Variants in PCSK5 observed in about 807,000 individuals in gnomAD.
The protein encoded by PCSK5 is proprotein convertase subtilisin/kexin type 5.
PCSK5 carries 129 observed loss-of-function variants against 233.2 expected under a neutral mutation model. The observed-to-expected ratio is 0.55, with a 90% CI of 0.48 to 0.64. The LOEUF is 0.64. Ranked by LOEUF, PCSK5 falls within the 30% of genes least tolerant of loss-of-function variation. PCSK5 has a pLI of 0.00. For synonymous variants in PCSK5, 825 were observed against 879.2 expected, an observed-to-expected ratio of 0.94 and a Z score of 1.09; for missense variants, 2,076 against 2,430.1, an observed-to-expected ratio of 0.85 and a Z score of 3.06.
intron 1 of PCSK5, among the ~76,000 whole-genome samples, chr9:75,899,647 A>G (rs905626018): frequency 9.2e-5 from 14 of 152,172 alleles, no homozygotes; most frequent in African/African-American, 3.1e-4. Flanking sequence ...TTGTTAGAAG[A>G]TAGAAGGACA....
intron 30 of PCSK5, among the ~76,000 whole-genome samples, chr9:76,318,397 C>A (rs147960673): frequency 1.9e-3 from 296 of 151,852 alleles, no homozygotes; most frequent in African/African-American, 7.0e-3. Flanking sequence ...TGCAGCAAAC[C>A]ACCATGGCAC....
intron 8 of PCSK5, among the ~76,000 whole-genome samples, chr9:76,101,454 A>C (rs945620580): frequency 1.3e-5 from 2 of 152,224 alleles, no homozygotes; most frequent in African/African-American, 4.8e-5. Flanking sequence ...AAAAGATCCT[A>C]TCTATAACCC....
At chr9:76,082,890 A>G (rs900189548) in intron 7 of PCSK5, among the ~76,000 whole-genome samples, 4 of 152,132 alleles carry the variant, frequency 2.6e-5, no homozygotes, top group African/African-American at 9.7e-5. Flanking sequence ...TAAGGTTACC[A>G]GTATTCCCAT....
chr9:76,267,076 G>A (rs1471346833), intron 24 of PCSK5, among the ~76,000 whole-genome samples: 2 of 152,206 alleles, frequency 1.3e-5, no homozygotes, highest in East Asian at 3.8e-4. Flanking sequence ...CTGGAGGGCT[G>A]TGAAATGCCA....
chr9:76,323,027 A>G, intron 31 of PCSK5, 25 bp from the exon 32 acceptor site: 1 of 1,328,358 alleles, frequency 7.5e-7, no homozygotes, highest in Non-Finnish European at 1.1e-6. Context: ...CCCGGGGATA[A>G]CTTGCTGCTT....
At chr9:76,037,980 C>T (rs990770797) in intron 5 of PCSK5, among the ~76,000 whole-genome samples, 2 of 152,128 alleles carry the variant, frequency 1.3e-5, no homozygotes, top group Admixed American at 6.6e-5. Flanking sequence ...ATCCACGCAC[C>T]AGCTGCATGT....
At chr9:76,117,952 G>A (rs1009913115) in intron 9 of PCSK5, among the ~76,000 whole-genome samples, 3 of 152,178 alleles carry the variant, frequency 2.0e-5, no homozygotes, top group East Asian at 1.9e-4. Flanking sequence ...GAAGAATGTC[G>A]TAGCGAGCTT....
chr9:76,345,731 G>C (rs575569169), intron 35 of PCSK5, among the ~76,000 whole-genome samples: 19 of 150,856 alleles, frequency 1.3e-4, no homozygotes, highest in African/African-American at 4.6e-4. Context: ...CTGTTTGTTT[G>C]TTTTTTGAGA....
chr9:76,204,203 C>A (rs968053301), intron 20 of PCSK5, among the ~76,000 whole-genome samples: 1 of 152,092 alleles, frequency 6.6e-6, no homozygotes, highest in Non-Finnish European at 1.5e-5. Flanking sequence ...TCCCTCTATC[C>A]CCACCATGAC....
intron 9 of PCSK5, among the ~76,000 whole-genome samples, chr9:76,111,140 A>G (rs1832197502): frequency 6.6e-6 from 1 of 152,184 alleles, no homozygotes; most frequent in South Asian, 2.1e-4. Flanking sequence ...AAGAAAAAAG[A>G]GAAATAACTT....
intron 5 of PCSK5, among the ~76,000 whole-genome samples, chr9:76,029,134 G>C (rs1828551997): frequency 6.6e-6 from 1 of 152,054 alleles, no homozygotes; most frequent in Admixed American, 6.6e-5. Context: ...GCTGCTGTCT[G>C]AGCTGTCTGA....
chr9:76,046,265 C>T (rs1353813816), intron 5 of PCSK5, among the ~76,000 whole-genome samples: 1 of 136,396 alleles, frequency 7.3e-6, no homozygotes, highest in South Asian at 2.3e-4. Flanking sequence ...GCAATCTCTG[C>T]CTCCCGGGTT....
intron 18 of PCSK5, 65 bp downstream of exon 18, chr9:76,188,740 C>A: frequency 8.4e-7 from 1 of 1,191,346 alleles, no homozygotes; most frequent in Non-Finnish European, 1.2e-6. Flanking sequence ...CTGGTTTGGG[C>A]CATCACTCAT....
At chr9:75,965,680 A>G (rs2131353290) in intron 2 of PCSK5, among the ~76,000 whole-genome samples, 1 of 152,332 alleles carries the variant, frequency 6.6e-6, no homozygotes, top group Admixed American at 6.5e-5. Flanking sequence ...GAGAGTATTT[A>G]ATCCGGGCAC....
At chr9:75,923,922 C>T (rs1479332355) in intron 1 of PCSK5, among the ~76,000 whole-genome samples, 2 of 152,148 alleles carry the variant, frequency 1.3e-5, no homozygotes, top group Non-Finnish European at 1.5e-5. Flanking sequence ...CTGTTTCCAT[C>T]TCTTTCTTTC....
intron 35 of PCSK5, among the ~76,000 whole-genome samples, chr9:76,347,819 A>G (rs1368786508): frequency 6.6e-6 from 1 of 151,660 alleles, no homozygotes; most frequent in Non-Finnish European, 1.5e-5. Flanking sequence ...GAATTTTGTG[A>G]CCTAACCTAG....
chr9:76,109,957 C>G (rs1396379590), intron 9 of PCSK5, among the ~76,000 whole-genome samples: 1 of 152,166 alleles, frequency 6.6e-6, no homozygotes, highest in East Asian at 1.9e-4. Context: ...GCTCCAGTAA[C>G]AGTGCATTAA....
chr9:76,162,360 C>A (rs550782372), intron 12 of PCSK5, among the ~76,000 whole-genome samples: 2 of 152,334 alleles, frequency 1.3e-5, no homozygotes, highest in East Asian at 3.9e-4. Context: ...ACCTCTCAGT[C>A]TCTGACCTAG....
chr9:76,348,441 G>T (rs989457130), intron 35 of PCSK5, among the ~76,000 whole-genome samples: 4 of 151,900 alleles, frequency 2.6e-5, no homozygotes, highest in African/African-American at 9.7e-5. Flanking sequence ...ATATTAGTTG[G>T]GTATGGGGTG....
Sources: gnomAD v4.1 joint callset for allele counts (sites outside exome capture counted in the v4.1 genomes callset) on GRCh38, gnomAD v4.1.1 for gene constraint, MANE v1.5 for transcripts, NCBI Gene and HGNC (gene_info 2026-07-23, HGNC 2026-07-21) for gene names.